Variants in DNER observed in about 807,000 individuals in gnomAD.
The protein encoded by DNER is delta/notch like EGF repeat containing.
In DNER, 33 loss-of-function variants were observed where a neutral mutation model predicts 78.2. The observed-to-expected ratio is 0.42, with a 90% CI of 0.32 to 0.56. The LOEUF is 0.56. DNER is among the 20% of genes least tolerant of loss of function. The pLI is 0.11. For synonymous variants in DNER, 417 were observed against 384.8 expected (o/e 1.08, Z -0.98); for missense variants, 918 against 975.3 (o/e 0.94, Z 0.78).
At chr2:229,469,911 T>G (rs1694888717) in intron 7 of DNER, among the ~76,000 whole-genome samples, 1 of 152,076 alleles carries the variant, frequency 6.6e-6, no homozygotes, top group South Asian at 2.1e-4. Flanking sequence ...GCCATTGCAC[T>G]CCAGTCTGGG....
intron 5 of DNER, among the ~76,000 whole-genome samples, chr2:229,533,859 C>A (rs1696353570): frequency 6.6e-6 from 1 of 152,182 alleles, no homozygotes; most frequent in Non-Finnish European, 1.5e-5. Context: ...CTTTCAAGAG[C>A]AAATTAGAAT....
intron 2 of DNER, among the ~76,000 whole-genome samples, chr2:229,590,417 T>C (rs1319545608): frequency 1.3e-5 from 2 of 152,184 alleles, no homozygotes; most frequent in African/African-American, 2.4e-5. Flanking sequence ...CTAAACCCCA[T>C]TGAAATACTT....
rs533870909 is a variant in DNER at position 229,387,533 on chromosome 2, A to G, written c.1855+732T>C. ...AGAGAAAGAAAGAAAGAAAGAAAGA[A>G]AGAAAGAAAGAAAGAAAGAAAGAAA... On this transcript the variant is annotated intron_variant, in intron 11 of 12. Coordinates refer to ENST00000341772, the MANE Select transcript of DNER (RefSeq NM_139072.4). 1.4e-3 allele frequency among the ~76,000 whole-genome samples: 209 copies of G among 148,770 alleles called. 4 individuals carry two copies. Among genetic ancestry groups the G allele is most frequent in the African/African-American group, 4.3e-3 (170 of 39,560 alleles).
intron 8 of DNER, among the ~76,000 whole-genome samples, chr2:229,440,009 TC>T (rs1694198396): frequency 6.6e-6 from 1 of 152,156 alleles, no homozygotes; most frequent in African/African-American, 2.4e-5. Context: ...GGAGCAGAAA[TC>T]CCTTACAATT....
chr2:229,446,349 A>C (rs975679823), intron 8 of DNER, among the ~76,000 whole-genome samples: 2 of 152,244 alleles, frequency 1.3e-5, no homozygotes, highest in African/African-American at 4.8e-5. Context: ...TTCCAAGACC[A>C]CAAAAGTGAT....
intron 10 of DNER, among the ~76,000 whole-genome samples, chr2:229,401,772 A>G (rs921810720): frequency 2.6e-5 from 4 of 152,150 alleles, no homozygotes; most frequent in Non-Finnish European, 5.9e-5. Flanking sequence ...CTTACATTGG[A>G]TCTCTCTCTA....
chr2:229,446,080 G>A (rs1694334279), intron 8 of DNER, among the ~76,000 whole-genome samples: 1 of 152,188 alleles, frequency 6.6e-6, no homozygotes. Flanking sequence ...ACCGGCATTC[G>A]AATCTGGGCT....
intron 1 of DNER, among the ~76,000 whole-genome samples, chr2:229,657,554 G>A (rs1698933228): frequency 6.6e-6 from 1 of 152,166 alleles, no homozygotes; most frequent in Non-Finnish European, 1.5e-5. Context: ...AGAGTTGTTA[G>A]GGTCCTAAAG....
Position 229,587,056 on chromosome 2 carries a change from G to C in DNER, c.681-1032C>G, listed in dbSNP as rs1282354065. 5 of 935,356 alleles carry C rather than the reference G, an allele frequency of 5.3e-6. No individual in the cohort carries two copies. In the African/African-American group the frequency reaches 8.9e-5, roughly 17 times the overall value. The allele number at this position is 935,356 out of a possible 1,614,324, so 57.9% of individuals were successfully genotyped here. ...CGTTCTGCAGCTTAAGGGAGTCTCAGAGAATGGCAGGTTTGTTGAGAGGAA... is the reference window on the plus strand; with the variant it reads ...CGTTCTGCAGCTTAAGGGAGTCTCACAGAATGGCAGGTTTGTTGAGAGGAA... On this transcript the variant is annotated intron_variant, in intron 3 of 12. Coordinates refer to ENST00000341772, the MANE Select transcript of DNER (RefSeq NM_139072.4).
chr2:229,419,895 G>A (rs1693728199), intron 8 of DNER, among the ~76,000 whole-genome samples: 1 of 148,518 alleles, frequency 6.7e-6, no homozygotes, highest in East Asian at 2.0e-4. Context: ...CACAACTGGA[G>A]GCAGGGGGAG....
At chr2:229,654,394 C>T (rs565424026) in intron 1 of DNER, among the ~76,000 whole-genome samples, 5 of 152,268 alleles carry the variant, frequency 3.3e-5, no homozygotes, top group African/African-American at 9.6e-5. Flanking sequence ...GACTTGGAAC[C>T]AACCCAAATG....
chr2:229,682,123 C>A (rs905848998), intron 1 of DNER, among the ~76,000 whole-genome samples: 9 of 152,174 alleles, frequency 5.9e-5, no homozygotes, highest in Admixed American at 3.9e-4. Context: ...AAGGCCACCG[C>A]TGAAGGCTGC....
intron 6 of DNER, among the ~76,000 whole-genome samples, chr2:229,494,296 A>G (rs1450206240): frequency 6.6e-6 from 1 of 152,222 alleles, no homozygotes; most frequent in Non-Finnish European, 1.5e-5. Flanking sequence ...AATGAAACCC[A>G]AAGTGTGATT....
intron 1 of DNER, among the ~76,000 whole-genome samples, chr2:229,608,031 A>AG (rs1559181201): frequency 6.6e-6 from 1 of 151,312 alleles, no homozygotes; most frequent in Non-Finnish European, 1.5e-5. Context: ...CAAAAAAAAA[A>AG]AAAAAAAAAA....
intron 1 of DNER, among the ~76,000 whole-genome samples, chr2:229,655,140 G>A (rs1698891521): frequency 1.3e-5 from 2 of 151,940 alleles, no homozygotes; most frequent in African/African-American, 4.8e-5. Flanking sequence ...GAAATGTATG[G>A]TGGGCCCATC....
chr2:229,456,731 C>G (rs892694058), intron 7 of DNER, among the ~76,000 whole-genome samples: 1 of 151,952 alleles, frequency 6.6e-6, no homozygotes, highest in African/African-American at 2.4e-5. Context: ...ACTATTTTCC[C>G]CCTTCATCCA....
chr2:229,465,561 A>G (rs969732672), intron 7 of DNER, among the ~76,000 whole-genome samples: 2 of 152,142 alleles, frequency 1.3e-5, no homozygotes, highest in African/African-American at 4.8e-5. Flanking sequence ...CATCCTACAC[A>G]TGTATCCTGG....
intron 6 of DNER, among the ~76,000 whole-genome samples, chr2:229,498,299 T>A (rs963583164): frequency 7.2e-5 from 11 of 152,232 alleles, no homozygotes; most frequent in African/African-American, 2.6e-4. Flanking sequence ...AGGCCATATA[T>A]GACAAGCCCA....
chr2:229,399,968 TG>T (rs1165498742), intron 10 of DNER, among the ~76,000 whole-genome samples: 4 of 151,794 alleles, frequency 2.6e-5, no homozygotes, highest in Non-Finnish European at 4.4e-5. Context: ...ACTTTGGAAA[TG>T]GGTAGGATTG....
Sources: gnomAD v4.1 joint callset for allele counts (sites outside exome capture counted in the v4.1 genomes callset) on GRCh38, gnomAD v4.1.1 for gene constraint, MANE v1.5 for transcripts, NCBI Gene and HGNC (gene_info 2026-07-23, HGNC 2026-07-21) for gene names.